The following MINDY3 variants were observed in gnomAD, a reference collection of about 807,000 sequenced individuals.
MINDY3 encodes ubiquitin carboxyl-terminal hydrolase MINDY-3.
Under a neutral mutation model 69.2 loss-of-function variants are expected in MINDY3, and 38 were observed. The observed-to-expected ratio is 0.55, with a 90% CI of 0.42 to 0.72. MINDY3 has a LOEUF of 0.72. MINDY3 is among the 30% of genes least tolerant of loss of function. MINDY3 has a pLI of 0.00. For synonymous variants in MINDY3, 192 were observed against 180.1 expected, an observed-to-expected ratio of 1.07 and a Z score of -0.53; for missense variants, 522 against 519.0, an observed-to-expected ratio of 1.01 and a Z score of -0.06.
chr10:15,837,641 GA>G (rs1833181267), intron 5 of MINDY3: 1 of 1,238,910 alleles, frequency 8.1e-7, no homozygotes, highest in Non-Finnish European at 1.0e-6. Flanking sequence ...CTTCTTGTAA[GA>G]GGGGGTAAAC....
rs760475633 is a variant in MINDY3 at position 15,841,459 on chromosome 10, G to A, written c.376C>T (p.Pro126Ser). The A allele has an allele frequency of 5.6e-6, 9 of 1,611,352 alleles. No homozygotes were observed. Among genetic ancestry groups the A allele is most frequent in the Non-Finnish European group, 6.8e-6 (8 of 1,178,366 alleles). ...TEETASISGSPAESSCQVEHS... is the reference protein window; with the variant it reads ...TEETASISGSSAESSCQVEHS... Reference sequence around the variant, plus strand: ...TCCACTTGGCAACTAGACTCTGCAGGACTCCCAGAAATACTAGCAGTTTCC... The same window carrying A: ...TCCACTTGGCAACTAGACTCTGCAGAACTCCCAGAAATACTAGCAGTTTCC... The change falls in exon 4 of 15, where the codon CCT (proline) becomes TCT (serine). Residue 126 changes from proline (P) to serine (S), a missense_variant. Coordinates refer to ENST00000277632, the MANE Select transcript of MINDY3 (RefSeq NM_024948.4).
At chr10:15,854,075 T>C (rs916777060) in intron 1 of MINDY3, among the ~76,000 whole-genome samples, 2 of 152,142 alleles carry the variant, frequency 1.3e-5, no homozygotes, top group African/African-American at 4.8e-5. Flanking sequence ...CACTGATGTA[T>C]ACTGTTATAA....
intron 8 of MINDY3, among the ~76,000 whole-genome samples, chr10:15,827,387 C>A (rs1170496616): frequency 2.0e-5 from 3 of 151,420 alleles, no homozygotes; most frequent in African/African-American, 2.4e-5. Context: ...ACTAAAGATA[C>A]AAAATTAGCT....
chr10:15,841,709 A>G, intron 3 of MINDY3, 110 bp from the exon 4 acceptor site: 1 of 573,986 alleles, frequency 1.7e-6, no homozygotes, highest in South Asian at 3.8e-5. Flanking sequence ...AGCATTTTAA[A>G]AATGGGGGAA....
intron 1 of MINDY3, among the ~76,000 whole-genome samples, chr10:15,858,594 C>T (rs1047389190): frequency 5.9e-5 from 9 of 152,298 alleles, no homozygotes; most frequent in Middle Eastern, 6.8e-3. Context: ...CTGTACTTTA[C>T]AGAGAAGGAA....
At chr10:15,831,936 A>G (rs1406459204) in intron 8 of MINDY3, among the ~76,000 whole-genome samples, 1 of 152,050 alleles carries the variant, frequency 6.6e-6, no homozygotes, top group East Asian at 1.9e-4. Context: ...TCGGCCTCCC[A>G]AAGTGCTGGG....
At chr10:15,855,481 A>T (rs1482610953) in intron 1 of MINDY3, among the ~76,000 whole-genome samples, 1 of 152,074 alleles carries the variant, frequency 6.6e-6, no homozygotes, top group African/African-American at 2.4e-5. Flanking sequence ...TTACGTCTGA[A>T]ATTACCCATC....
chr10:15,837,253 C>T lies in MINDY3; in HGVS notation c.527G>A (p.Gly176Glu). 6.2e-7 allele frequency: 1 copy of T among 1,608,264 alleles called. No homozygotes were observed. Among genetic ancestry groups the T allele is most frequent in the Non-Finnish European group, 8.5e-7 (1 of 1,176,850 alleles). ...DAVLDQYSMW[G>E]NKFGVLLFLY... The stretch of plus-strand genomic sequence containing the variant: ...AAAAAGCAATACTCCAAATTTATTT[C>T]CCCACATTGAATACTGGTCCAAGAC... The change falls in exon 6 of 15, where the codon GGA (glycine) becomes GAA (glutamate). Residue 176 changes from glycine to glutamate, a missense_variant. Physicochemically the swap from Gly to Glu is moderately conservative, Grantham distance 98 (BLOSUM62 -2). Coordinates refer to ENST00000277632, the MANE Select transcript of MINDY3 (RefSeq NM_024948.4).
chr10:15,822,661 G>A (rs1839848874), intron 8 of MINDY3, among the ~76,000 whole-genome samples: 1 of 152,118 alleles, frequency 6.6e-6, no homozygotes, highest in African/African-American at 2.4e-5. Context: ...AGCTGGGATT[G>A]AGGTACCTTT....
intron 10 of MINDY3, among the ~76,000 whole-genome samples, chr10:15,815,338 C>T (rs746842516): frequency 2.0e-5 from 3 of 152,308 alleles, no homozygotes; most frequent in East Asian, 1.9e-4. Context: ...TGAGAAAAGG[C>T]AATTATGTAT....
chr10:15,847,844 G>C lies in MINDY3; in HGVS notation c.174+20C>G, dbSNP rs748901185. On this transcript the variant is annotated intron_variant, in intron 2 of 14. Transcript: ENST00000277632. ...TTTCAAAATGTCCCTCTAAGGAGTT[G>C]GTAAAGGAGTCTATGTTACCTGAAC... 2 of 1,588,128 alleles carry C rather than the reference G, an allele frequency of 1.3e-6. No individual in the cohort carries two copies. The highest frequency in any genetic ancestry group is 2.2e-5 in the East Asian group (1 of 44,758).
chr10:15,826,952 G>C (rs1321163615), intron 8 of MINDY3, among the ~76,000 whole-genome samples: 1 of 151,750 alleles, frequency 6.6e-6, no homozygotes, highest in African/African-American at 2.4e-5. Flanking sequence ...GAAAATACTA[G>C]AGAATATTAT....
At chr10:15,855,385 T>C (rs1834616267) in intron 1 of MINDY3, among the ~76,000 whole-genome samples, 1 of 152,138 alleles carries the variant, frequency 6.6e-6, no homozygotes, top group Non-Finnish European at 1.5e-5. Flanking sequence ...GACACAGCAT[T>C]ACTTTTCTTC....
intron 6 of MINDY3, among the ~76,000 whole-genome samples, 158 bp downstream of exon 6, chr10:15,837,046 G>T (rs992550798): frequency 6.6e-6 from 1 of 151,902 alleles, no homozygotes; most frequent in Non-Finnish European, 1.5e-5. Flanking sequence ...AGCAACGAGT[G>T]AGTGCTGAGG....
At chr10:15,830,287 A>ATTG (rs1840367452) in intron 8 of MINDY3, among the ~76,000 whole-genome samples, 2 of 152,226 alleles carry the variant, frequency 1.3e-5, no homozygotes, top group Non-Finnish European at 2.9e-5. Flanking sequence ...CAGCAGTGGC[A>ATTG]AACATGTATT....
At chr10:15,818,686 A>AC (rs1839542453) in intron 9 of MINDY3, among the ~76,000 whole-genome samples, 1 of 152,216 alleles carries the variant, frequency 6.6e-6, no homozygotes, top group African/African-American at 2.4e-5. Context: ...CATGTAAAAA[A>AC]CAGAGATGAA....
At chr10:15,793,409 T>C (rs1837567644) in intron 11 of MINDY3, among the ~76,000 whole-genome samples, 1 of 152,114 alleles carries the variant, frequency 6.6e-6, no homozygotes, top group Non-Finnish European at 1.5e-5. Context: ...TTAAAAACTA[T>C]ATTTTTGACC....
Position 15,796,087 on chromosome 10 carries a change from T to TA in MINDY3, c.955+12dup. Reference sequence around the variant, plus strand: ...AAGACATAAAACACAGAGATGATGTTAAAATCTTTTACCTTCTGGGTCGTA... The same window carrying TA: ...AAGACATAAAACACAGAGATGATGTTAAAAATCTTTTACCTTCTGGGTCGTA... On this transcript the variant is annotated intron_variant, in intron 11 of 14. Transcript: ENST00000277632. 6.2e-7 allele frequency: 1 copy of TA among 1,604,894 alleles called. No individual in the cohort carries two copies. Among genetic ancestry groups the TA allele is most frequent in the East Asian group, 2.2e-5 (1 of 44,774 alleles).
chr10:15,786,699 T>A, intron 12 of MINDY3, 51 bp from the exon 13 acceptor site: 1 of 1,091,438 alleles, frequency 9.2e-7, no homozygotes, highest in Non-Finnish European at 1.4e-6. Context: ...AAAAAAAAGC[T>A]GCTTTTCTTT....
Sources: gnomAD v4.1 joint callset for allele counts (sites outside exome capture counted in the v4.1 genomes callset) on GRCh38, gnomAD v4.1.1 for gene constraint, MANE v1.5 for transcripts, NCBI Gene and HGNC (gene_info 2026-07-23, HGNC 2026-07-21) for gene names.